Variants in SPTLC3 observed in about 807,000 individuals in gnomAD.
SPTLC3 encodes serine palmitoyltransferase 3.
In SPTLC3, 36 loss-of-function variants were observed where a neutral mutation model predicts 59.3. The observed-to-expected ratio is 0.61, with a 90% confidence interval of 0.47 to 0.80. The LOEUF is 0.80. Among genes scored for constraint, SPTLC3 ranks in the 30% least tolerant of loss-of-function variants. The pLI, the probability that SPTLC3 is intolerant of heterozygous loss-of-function variation, is 0.00. For synonymous variants in SPTLC3, 257 were observed against 240.8 expected (o/e 1.07, Z -0.62); for missense variants, 625 against 685.1 (o/e 0.91, Z 0.98).
At chr20:13,096,350 T>C (rs1198452020) in intron 6 of SPTLC3, among the ~76,000 whole-genome samples, 1 of 151,938 alleles carries the variant, frequency 6.6e-6, no homozygotes, top group African/African-American at 2.4e-5. Flanking sequence ...TCTTTATTCA[T>C]AATAGCCAAA....
At chr20:13,132,646 G>T (rs1159761125) in intron 9 of SPTLC3, among the ~76,000 whole-genome samples, 2 of 152,048 alleles carry the variant, frequency 1.3e-5, no homozygotes, top group African/African-American at 4.8e-5. Context: ...AATATTTATT[G>T]AAAGAATTCT....
chr20:13,158,971 A>G (rs1490906997), intron 10 of SPTLC3, among the ~76,000 whole-genome samples: 2 of 152,236 alleles, frequency 1.3e-5, no homozygotes, highest in African/African-American at 4.8e-5. Flanking sequence ...TGCTAAGAAC[A>G]GATCTGAGGC....
chr20:13,012,664 G>A (rs1385693969), intron 1 of SPTLC3, among the ~76,000 whole-genome samples: 2 of 152,160 alleles, frequency 1.3e-5, no homozygotes, highest in South Asian at 2.1e-4. Flanking sequence ...GGCATCTCCT[G>A]TACCTTCAAA....
At chr20:13,076,619 C>CAAAA (rs34805419) in intron 4 of SPTLC3, among the ~76,000 whole-genome samples, 4 of 146,508 alleles carry the variant, frequency 2.7e-5, no homozygotes, top group African/African-American at 1.0e-4. Flanking sequence ...ATTATTTTGA[C>CAAAA]AAAAAAAAAA....
intron 2 of SPTLC3, among the ~76,000 whole-genome samples, chr20:13,064,597 G>A (rs1315616192): frequency 2.0e-5 from 3 of 152,324 alleles, no homozygotes; most frequent in Middle Eastern, 3.4e-3. Context: ...ACAGAGCACG[G>A]CTAAATGGTT....
At chr20:13,047,780 A>T (rs1600229451) in intron 1 of SPTLC3, among the ~76,000 whole-genome samples, 1 of 152,154 alleles carries the variant, frequency 6.6e-6, no homozygotes. Flanking sequence ...AAAATTTCAG[A>T]CATACAGAAG....
chr20:13,146,724 T>C (rs2038518863), intron 9 of SPTLC3, among the ~76,000 whole-genome samples: 1 of 152,228 alleles, frequency 6.6e-6, no homozygotes, highest in South Asian at 2.1e-4. Context: ...AAATTTTTCA[T>C]CTTCTATTGC....
At chr20:13,011,735 GT>G (rs35271357) in intron 1 of SPTLC3, among the ~76,000 whole-genome samples, 13,359 of 144,776 alleles carry the variant, frequency 0.092, 812 homozygotes, top group East Asian at 0.31. Context: ...TATTTTTCCT[GT>G]TTTTTTTTTT....
intron 2 of SPTLC3, among the ~76,000 whole-genome samples, chr20:13,071,135 T>C (rs1988420211): frequency 6.6e-6 from 1 of 152,238 alleles, no homozygotes; most frequent in African/African-American, 2.4e-5. Context: ...GCTCCAAGAA[T>C]ACTCGCAGGA....
Position 13,074,225 on chromosome 20 carries a change from C to T in SPTLC3, c.459-124C>T, listed in dbSNP as rs544115401. ...TGTTCCACCTCACAGATCTGAGCTG[C>T]CATCTCCTTGGTCACCTCATCCTCT... On this transcript the variant is annotated intron_variant, in intron 3 of 11. Transcript: ENST00000399002. The T allele has an allele frequency of 1.4e-4, 167 of 1,208,884 alleles. 1 individual carries two copies. The highest frequency in any genetic ancestry group is 7.6e-4 in the Middle Eastern group (4 of 5,230). The allele number at this position is 1,208,884 out of a possible 1,614,324, so 74.9% of individuals were successfully genotyped here.
At chr20:13,055,734 GA>G (rs1987695065) in intron 2 of SPTLC3, among the ~76,000 whole-genome samples, 1 of 152,156 alleles carries the variant, frequency 6.6e-6, no homozygotes, top group African/African-American at 2.4e-5. Flanking sequence ...ATGGGGGCCT[GA>G]ATGCAGGAAG....
At chr20:13,087,281 T>G (rs1315549686) in intron 4 of SPTLC3, among the ~76,000 whole-genome samples, 1 of 152,110 alleles carries the variant, frequency 6.6e-6, no homozygotes, top group Non-Finnish European at 1.5e-5. Context: ...AGATAGCAGG[T>G]TTTGGAAAGA....
intron 9 of SPTLC3, among the ~76,000 whole-genome samples, chr20:13,127,914 G>A (rs2038031800): frequency 1.3e-5 from 2 of 152,114 alleles, no homozygotes. Context: ...AGTCTAGGAA[G>A]CCCTTATGGT....
At chr20:13,023,765 C>G (rs986279388) in intron 1 of SPTLC3, among the ~76,000 whole-genome samples, 1 of 152,144 alleles carries the variant, frequency 6.6e-6, no homozygotes, top group East Asian at 1.9e-4. Context: ...TGATATACTC[C>G]AAGCTTGGAG....
At chr20:13,056,326 T>C (rs769621710) in intron 2 of SPTLC3, among the ~76,000 whole-genome samples, 1 of 152,238 alleles carries the variant, frequency 6.6e-6, no homozygotes, top group Non-Finnish European at 1.5e-5. Flanking sequence ...TTTTATTATT[T>C]GTTCAATTTG....
intron 9 of SPTLC3, among the ~76,000 whole-genome samples, chr20:13,133,282 G>T (rs1387254462): frequency 6.6e-6 from 1 of 152,062 alleles, no homozygotes; most frequent in African/African-American, 2.4e-5. Context: ...AGAGATTTCT[G>T]CATGACATGC....
At chr20:13,135,667 A>G (rs1028351645) in intron 9 of SPTLC3, among the ~76,000 whole-genome samples, 1 of 152,254 alleles carries the variant, frequency 6.6e-6, no homozygotes, top group Non-Finnish European at 1.5e-5. Flanking sequence ...ATTTTTGTGT[A>G]ACATTAAGTC....
At chr20:13,067,288 A>C (rs144482438) in intron 2 of SPTLC3, among the ~76,000 whole-genome samples, 11 of 151,974 alleles carry the variant, frequency 7.2e-5, no homozygotes, top group African/African-American at 2.2e-4. Context: ...CTTCTTATTT[A>C]TTAGCCCAAT....
At position 13,121,655 on chromosome 20, in the gene SPTLC3, C is replaced by T. The variant is rs555868671; in HGVS notation, c.1152+3930C>T. On this transcript the variant is annotated intron_variant, in intron 8 of 11. Transcript: ENST00000399002. ...CAAAGCCACCTCTTAACTCATGGCT[C>T]ATAGCACCCAATGGGGGAACGAGAG... 6.6e-5 allele frequency among the ~76,000 whole-genome samples: 10 copies of T among 152,252 alleles called. No individual in the cohort carries two copies. In the East Asian group the frequency reaches 1.9e-3, roughly 29 times the overall value.
Sources: gnomAD v4.1 joint callset for allele counts (sites outside exome capture counted in the v4.1 genomes callset) on GRCh38, gnomAD v4.1.1 for gene constraint, MANE v1.5 for transcripts, NCBI Gene and HGNC (gene_info 2026-07-23, HGNC 2026-07-21) for gene names.